NDST4: variants seen among roughly 807,000 people sequenced by gnomAD.
NDST4 encodes N-heparan sulfate sulfotransferase 4.
A neutral mutation model predicts 100.8 loss-of-function variants in NDST4; 63 were observed. That is an observed-to-expected ratio of 0.62 (90% CI 0.51 to 0.77). NDST4 has a LOEUF of 0.77. NDST4 is among the 30% of genes least tolerant of loss of function. The probability of loss-of-function intolerance (pLI) is 0.00; values close to 1 mark genes in which losing one functional copy is unlikely to be tolerated. For missense variants in NDST4, 943 were observed against 1,018.4 expected, an observed-to-expected ratio of 0.93 and a Z score of 1.01; for synonymous variants, 377 against 361.8, an observed-to-expected ratio of 1.04 and a Z score of -0.48.
At chr4:114,861,303 T>A (rs1221189747) in intron 7 of NDST4, among the ~76,000 whole-genome samples, 4 of 152,226 alleles carry the variant, frequency 2.6e-5, no homozygotes, top group Admixed American at 6.6e-5. Context: ...TGGACCTCAG[T>A]TCCTTATTTA....
chr4:114,925,890 T>A (rs1725376445), intron 6 of NDST4, among the ~76,000 whole-genome samples: 1 of 152,106 alleles, frequency 6.6e-6, no homozygotes, highest in Non-Finnish European at 1.5e-5. Flanking sequence ...GTAGAAAAAA[T>A]TAAATCCTGT....
intron 6 of NDST4, among the ~76,000 whole-genome samples, chr4:114,929,346 C>A (rs1190146893): frequency 6.6e-6 from 1 of 152,068 alleles, no homozygotes; most frequent in East Asian, 1.9e-4. Context: ...TATGCATAGT[C>A]CTTGTTTTGA....
chr4:114,885,961 A>C (rs1724468671), intron 6 of NDST4, among the ~76,000 whole-genome samples: 1 of 152,074 alleles, frequency 6.6e-6, no homozygotes, highest in South Asian at 2.1e-4. Context: ...CTATGAATTA[A>C]AAAAATACAA....
At chr4:114,875,606 G>C (rs1374796037) in intron 6 of NDST4, among the ~76,000 whole-genome samples, 1 of 152,158 alleles carries the variant, frequency 6.6e-6, no homozygotes, top group African/African-American at 2.4e-5. Flanking sequence ...AAATAGAATG[G>C]TGGTAAATAA....
intron 6 of NDST4, among the ~76,000 whole-genome samples, chr4:114,889,652 A>G (rs960092339): frequency 2.4e-4 from 37 of 152,212 alleles, no homozygotes; most frequent in African/African-American, 8.4e-4. Context: ...GCAAACATCA[A>G]TCATAAGCTT....
intron 4 of NDST4, among the ~76,000 whole-genome samples, chr4:114,969,155 T>C (rs1017296312): frequency 4.0e-5 from 6 of 151,518 alleles, no homozygotes; most frequent in African/African-American, 1.2e-4. Flanking sequence ...CTACTAAAAA[T>C]ACAAAAAAAT....
At chr4:114,929,120 CTAT>C (rs1560817152) in intron 6 of NDST4, among the ~76,000 whole-genome samples, 24 of 133,220 alleles carry the variant, frequency 1.8e-4, no homozygotes, top group African/African-American at 4.3e-4. Context: ...ATCCATCTAT[CTAT>C]CTATCTATCT....
intron 2 of NDST4, among the ~76,000 whole-genome samples, chr4:115,034,851 A>G (rs1251707118): frequency 6.6e-6 from 1 of 152,156 alleles, no homozygotes; most frequent in Non-Finnish European, 1.5e-5. Flanking sequence ...CTTTATTTCA[A>G]GGATTTATCG....
At chr4:115,102,581 A>G (rs540503188) in intron 1 of NDST4, among the ~76,000 whole-genome samples, 1 of 152,070 alleles carries the variant, frequency 6.6e-6, no homozygotes, top group African/African-American at 2.4e-5. Context: ...CTGCTTCTGA[A>G]TTTAGGTAAG....
intron 6 of NDST4, among the ~76,000 whole-genome samples, chr4:114,874,423 T>G (rs1225026019): frequency 4.6e-5 from 7 of 152,192 alleles, no homozygotes; most frequent in Non-Finnish European, 1.0e-4. Flanking sequence ...TGAGGCATGC[T>G]GCTGCATTTA....
At chr4:114,961,211 G>T (rs1726255431) in intron 4 of NDST4, among the ~76,000 whole-genome samples, 2 of 151,920 alleles carry the variant, frequency 1.3e-5, no homozygotes, top group Admixed American at 1.3e-4. Context: ...TTAGTGCTTA[G>T]AGGGAAATTC....
At chr4:114,856,261 G>T (rs970501743) in intron 7 of NDST4, among the ~76,000 whole-genome samples, 2 of 151,982 alleles carry the variant, frequency 1.3e-5, no homozygotes, top group Non-Finnish European at 2.9e-5. Flanking sequence ...ATGGGGTTTT[G>T]CCATGTTGCT....
chr4:114,894,076 C>G (rs1724660873), intron 6 of NDST4, among the ~76,000 whole-genome samples: 1 of 152,096 alleles, frequency 6.6e-6, no homozygotes, highest in Admixed American at 6.6e-5. Context: ...TATGAGGTCT[C>G]TGTTCTGCTC....
chr4:114,937,195 T>C, intron 5 of NDST4, 123 bp downstream of exon 5: 1 of 961,556 alleles, frequency 1.0e-6, no homozygotes, highest in Non-Finnish European at 1.6e-6. Context: ...TGAGATATGT[T>C]AGGTATTTCT....
intron 10 of NDST4, among the ~76,000 whole-genome samples, chr4:114,844,143 A>C (rs2126185319): frequency 6.6e-6 from 1 of 152,142 alleles, no homozygotes; most frequent in East Asian, 1.9e-4. Context: ...CTTATTCTTC[A>C]TTCAGTTTCT....
chr4:114,841,540 A>T (rs1203302337), intron 10 of NDST4, among the ~76,000 whole-genome samples: 1 of 152,334 alleles, frequency 6.6e-6, no homozygotes, highest in Admixed American at 6.5e-5. Flanking sequence ...ACACATCATA[A>T]AGATTCTCTT....
At chr4:114,919,337 A>C (rs765316445) in intron 6 of NDST4, among the ~76,000 whole-genome samples, 3 of 152,180 alleles carry the variant, frequency 2.0e-5, no homozygotes, top group Non-Finnish European at 4.4e-5. Context: ...AGAGTGGTAA[A>C]TGCTATGAAA....
intron 6 of NDST4, among the ~76,000 whole-genome samples, chr4:114,908,943 C>A (rs1448567167): frequency 1.3e-5 from 2 of 151,908 alleles, no homozygotes; most frequent in South Asian, 2.1e-4. Context: ...AAATGTGTGC[C>A]AATATTATCA....
intron 4 of NDST4, among the ~76,000 whole-genome samples, chr4:114,964,548 G>C (rs1726338496): frequency 4.6e-5 from 7 of 152,248 alleles, no homozygotes; most frequent in Admixed American, 4.6e-4. Context: ...TGTTCCATAT[G>C]ATACCTCAAG....
Sources: allele counts gnomAD v4.1 joint callset (sites outside exome capture counted in the v4.1 genomes callset), GRCh38; gene constraint gnomAD v4.1.1; transcripts MANE v1.5; gene names NCBI Gene and HGNC (gene_info 2026-07-23, HGNC 2026-07-21).